AFF1: variants seen among roughly 807,000 people sequenced by gnomAD.
AFF1 encodes ALF transcription elongation factor 1.
Under a neutral mutation model 121.7 loss-of-function variants are expected in AFF1, and 48 were observed. The observed-to-expected ratio is 0.39, with a 90% CI of 0.31 to 0.50. AFF1 has a LOEUF of 0.50. Among genes scored for constraint, AFF1 ranks in the 20% least tolerant of loss-of-function variants. The pLI, the probability that AFF1 is intolerant of heterozygous loss-of-function variation, is 0.76. For missense variants in AFF1, 1,523 were observed against 1,511.7 expected (o/e 1.01, Z -0.12); for synonymous variants, 613 against 563.0 (o/e 1.09, Z -1.26).
At chr4:86,935,992 G>C (rs544607762) in intron 1 of AFF1, 1 of 152,230 alleles carries the variant, frequency 6.6e-6, no homozygotes, top group Admixed American at 6.5e-5. Flanking sequence ...CGTTACCTTA[G>C]TGTAATGGTA....
chr4:86,985,906 T>C (rs1001738494), intron 2 of AFF1, among the ~76,000 whole-genome samples: 4 of 137,690 alleles, frequency 2.9e-5, no homozygotes, highest in African/African-American at 1.0e-4. Flanking sequence ...TTTTGCATCC[T>C]CTCTCTGAAT....
At chr4:86,957,513 G>A (rs1202514684) in intron 2 of AFF1, among the ~76,000 whole-genome samples, 1 of 152,018 alleles carries the variant, frequency 6.6e-6, no homozygotes, top group African/African-American at 2.4e-5. Flanking sequence ...GGGGAATGCT[G>A]GGGCAACTAG....
chr4:87,012,018 C>T (rs1726815597), intron 2 of AFF1, among the ~76,000 whole-genome samples: 1 of 152,156 alleles, frequency 6.6e-6, no homozygotes, highest in Non-Finnish European at 1.5e-5. Context: ...ATTTCAATTA[C>T]ATTCAGGAAT....
In AFF1 at chr4:87,125,049, A is replaced by G. The variant is rs755683074; in HGVS notation, c.2479A>G (p.Arg827Gly). The G allele has an allele frequency of 1.2e-6, 2 of 1,604,796 alleles. No homozygotes were observed. Among genetic ancestry groups the G allele is most frequent in the East Asian group, 4.5e-5 (2 of 44,840 alleles). The change falls in exon 13 of 21, where the codon AGA (arginine) becomes GGA (glycine). Residue 827 changes from arginine to glycine, a missense_variant. By Grantham distance (125) the Arg-to-Gly change is moderately radical (BLOSUM62 -2). Coordinates refer to ENST00000395146, the MANE Select transcript of AFF1 (RefSeq NM_001166693.3). The part of the protein sequence containing the change: ...LAKKRKGEAE[R>G]DCDNKKIRLE... ...TATACTGTAATAGGGTGAAGCAGAA[A>G]GAGACTGTGATAACAAGAAAATCAG...
chr4:87,115,527 T>A (rs1457864654), intron 12 of AFF1, among the ~76,000 whole-genome samples: 1 of 151,682 alleles, frequency 6.6e-6, no homozygotes, highest in Non-Finnish European at 1.5e-5. Context: ...GTCTTGCTAG[T>A]TTGAAAAAAG....
intron 2 of AFF1, among the ~76,000 whole-genome samples, chr4:86,951,625 T>TTTTTTTC: frequency 1.7e-5 from 1 of 60,490 alleles, no homozygotes; most frequent in African/African-American, 3.7e-5. Context: ...CTTTTTTTCT[T>TTTTTTTC]TTTTTTTTTT....
chr4:87,087,499 G>GGAGGGCCAGGGCTGACGT (rs555728550), intron 5 of AFF1, among the ~76,000 whole-genome samples: 237 of 152,370 alleles, frequency 1.6e-3, no homozygotes, highest in African/African-American at 5.6e-3. Context: ...TGTGGGGCCT[G>GGAGGGCCAGGGCTGACGT]GAGGGCCAGG....
intron 2 of AFF1, among the ~76,000 whole-genome samples, chr4:87,004,743 C>G (rs1009501143): frequency 6.6e-6 from 1 of 152,230 alleles, no homozygotes; most frequent in South Asian, 2.1e-4. Flanking sequence ...CCAACCCAAA[C>G]AGATTGAATC....
At chr4:87,036,810 CT>C (rs752366829) in intron 2 of AFF1, 3 of 513,988 alleles carry the variant, frequency 5.8e-6, no homozygotes, top group African/African-American at 3.9e-5. Flanking sequence ...CAAGTATCTG[CT>C]TTTTTTCTCT....
rs1337831066 is a variant in AFF1, at chr4:87,111,133, G to A, written c.1533+2818G>A. 2.0e-4 allele frequency among the ~76,000 whole-genome samples: 16 copies of A among 81,772 alleles called. 1 individual carries two copies. Among genetic ancestry groups the A allele is most frequent in the South Asian group, 3.7e-4 (1 of 2,728 alleles). The allele number at this position is 81,772 out of a possible 152,430, so 53.6% of individuals were successfully genotyped here. A position where few individuals can be genotyped will look rare whatever the true frequency, so the allele number is the denominator to read the frequency against. On this transcript the variant is annotated intron_variant, in intron 11 of 20. Coordinates refer to ENST00000395146, the MANE Select transcript of AFF1 (RefSeq NM_001166693.3). Reference sequence around the variant, plus strand: ...CGCCATTCTCCTGCCTCAGCCTCCCGAGTAGCTGGGACTACAGGCGCCCGC... The same window carrying A: ...CGCCATTCTCCTGCCTCAGCCTCCCAAGTAGCTGGGACTACAGGCGCCCGC...
intron 2 of AFF1, among the ~76,000 whole-genome samples, chr4:86,972,740 A>G (rs1723032575): frequency 2.0e-5 from 3 of 152,006 alleles, no homozygotes; most frequent in South Asian, 2.1e-4. Context: ...GGGTTTTGCT[A>G]TGTTGGCCAG....
At chr4:86,950,076 C>T (rs1716656094) in intron 2 of AFF1, 18 of 1,613,914 alleles carry the variant, frequency 1.1e-5, no homozygotes, top group South Asian at 4.4e-5. Context: ...GCCATCCACG[C>T]GGCGAAGCCC....
chr4:86,996,392 C>T (rs1018125931), intron 2 of AFF1, among the ~76,000 whole-genome samples: 5 of 151,916 alleles, frequency 3.3e-5, no homozygotes, highest in African/African-American at 9.7e-5. Context: ...AAAAATTCTT[C>T]TGCCTTGGGA....
chr4:86,995,763 C>T (rs557066130), intron 2 of AFF1, among the ~76,000 whole-genome samples: 227 of 152,094 alleles, frequency 1.5e-3, no homozygotes, highest in Non-Finnish European at 2.4e-3. Flanking sequence ...GCGTCTCTGC[C>T]AGGCCGCCCA....
chr4:86,997,000 C>T (rs557614808), intron 2 of AFF1, among the ~76,000 whole-genome samples: 1 of 152,296 alleles, frequency 6.6e-6, no homozygotes, highest in African/African-American at 2.4e-5. Context: ...CAACCTCTGC[C>T]TCCCGGGTTC....
At chr4:87,007,184 G>A in intron 2 of AFF1, 4 of 1,376,724 alleles carry the variant, frequency 2.9e-6, no homozygotes, top group Non-Finnish European at 3.7e-6. Context: ...AGAGGCCCCA[G>A]TGCCCGGATG....
At chr4:87,103,168 CTT>C (rs1014037948) in intron 8 of AFF1, among the ~76,000 whole-genome samples, 11 of 152,138 alleles carry the variant, frequency 7.2e-5, no homozygotes, top group African/African-American at 1.9e-4. Flanking sequence ...TAATCAAAAA[CTT>C]TAGAAAAAAA....
At chr4:87,061,118 T>G (rs1720745855) in intron 4 of AFF1, among the ~76,000 whole-genome samples, 1 of 152,214 alleles carries the variant, frequency 6.6e-6, no homozygotes, top group Non-Finnish European at 1.5e-5. Context: ...AGTTCAGATT[T>G]ATTTCATTCA....
chr4:87,096,927 C>T (rs933776287), intron 8 of AFF1, among the ~76,000 whole-genome samples: 32 of 152,086 alleles, frequency 2.1e-4, no homozygotes, highest in Non-Finnish European at 4.7e-4. Flanking sequence ...GGAAATTTTA[C>T]TGGCTGCTAA....
Sources: gnomAD v4.1 joint callset for allele counts (sites outside exome capture counted in the v4.1 genomes callset) on GRCh38, gnomAD v4.1.1 for gene constraint, MANE v1.5 for transcripts, NCBI Gene and HGNC (gene_info 2026-07-23, HGNC 2026-07-21) for gene names.